ZSCAN16: variants seen among roughly 807,000 people sequenced by gnomAD.
The protein encoded by ZSCAN16 is zinc finger and SCAN domain-containing protein 16.
In ZSCAN16, 15 loss-of-function variants were observed where a neutral mutation model predicts 19.4. The ratio of observed to expected loss-of-function variants is 0.77; its 90% CI spans 0.52 to 1.19. The LOEUF (loss-of-function observed/expected upper bound fraction) is 1.19, where lower values mean the gene tolerates loss of function less well. ZSCAN16 is among the 50% of genes most tolerant of loss of function. The pLI is 0.00. For synonymous variants in ZSCAN16, 138 were observed against 146.5 expected (o/e 0.94, Z 0.42); for missense variants, 327 against 415.7 (o/e 0.79, Z 1.86).
At chr6:28,126,657 C>A in intron 2 of ZSCAN16, 126 bp from the exon 3 acceptor site, 1 of 654,038 alleles carries the variant, frequency 1.5e-6, no homozygotes, top group Non-Finnish European at 2.3e-6. Context: ...GCCATTATTG[C>A]CATTTACAAT....
At position 28,129,717 on chromosome 6, in the gene ZSCAN16, GCCTT is replaced by G. The variant is rs772887510; in HGVS notation, c.816_819del (p.Ile274SerfsTer15). On this transcript the variant is annotated frameshift_variant, in exon 4 of 4. Transcript: ENST00000340487. LOFTEE classifies it low-confidence loss of function (END_TRUNC). ...CTATAAATGTGATGAGTGTGGAAAA[GCCTT>G]CATTCAGCGCTCACATCTCATTGGA... 6.2e-7 allele frequency: 1 copy of G among 1,614,114 alleles called. No individual in the cohort carries two copies. The highest frequency in any genetic ancestry group is 8.5e-7 in the Non-Finnish European group (1 of 1,180,008).
At position 28,125,963 on chromosome 6, in the gene ZSCAN16, A is replaced by G. The variant is rs1427795675; in HGVS notation, c.387+133A>G. 3.0e-6 allele frequency: 2 copies of G among 675,992 alleles called. No individual in the cohort carries two copies. The highest frequency in any genetic ancestry group is 4.9e-6 in the Non-Finnish European group (2 of 408,448). 41.9% of individuals were successfully genotyped at this position (675,992 alleles called of 1,614,324 possible). A position where few individuals can be genotyped will look rare whatever the true frequency, so the allele number is the denominator to read the frequency against. ...GGCATAGGAAGGGACCTGACTACCT[A>G]TGTCAAATAATTAAAGTGTGGCTGG... On this transcript the variant is annotated intron_variant, in intron 2 of 3. Coordinates refer to ENST00000340487, the MANE Select transcript of ZSCAN16 (RefSeq NM_025231.3). The surrounding 1 kb of genome is among the most constrained non-coding windows in gnomAD (Gnocchi z 6.2).
Position 28,129,961 on chromosome 6 carries a change from A to C in ZSCAN16, c.*11A>C. On this transcript the variant is annotated 3_prime_UTR_variant, in exon 4 of 4. Transcript: ENST00000340487. The stretch of plus-strand genomic sequence containing the variant: ...AATAAACTCTACTAATATAGCAGTA[A>C]TATCAAAAGTTCTTTGGACACTCAG... 1 of 1,543,414 alleles carries C rather than the reference A, an allele frequency of 6.5e-7. No individual in the cohort carries two copies. The highest frequency in any genetic ancestry group is 8.7e-7 in the Non-Finnish European group (1 of 1,147,124).
At position 28,126,570 on chromosome 6, in the gene ZSCAN16, A is replaced by G. The variant is rs118147918; in HGVS notation, c.388-213A>G. Among the ~76,000 whole-genome samples the G allele has an allele frequency of 2.6e-5, 4 of 152,318 alleles. No individual in the cohort carries two copies. In the East Asian group the frequency reaches 7.7e-4, roughly 29 times the overall value. ...GTGCTCTGATCCTGGACTTCTGCAG[A>G]TCAATGAAAGAAGAGACGTTGAATT... On this transcript the variant is annotated intron_variant, in intron 2 of 3. Coordinates refer to ENST00000340487, the MANE Select transcript of ZSCAN16 (RefSeq NM_025231.3).
Position 28,125,882 on chromosome 6 carries a change from C to T in ZSCAN16, c.387+52C>T. On this transcript the variant is annotated intron_variant, in intron 2 of 3. Transcript: ENST00000340487. The surrounding 1 kb of genome is among the most constrained non-coding windows in gnomAD (Gnocchi z 6.2). ...GAGTGATCAGGGGATATGGATGGAGCCAAAGCAAAAGGCATATGAAAGAAC... is the reference window on the plus strand; with the variant it reads ...GAGTGATCAGGGGATATGGATGGAGTCAAAGCAAAAGGCATATGAAAGAAC... 1.4e-6 allele frequency: 2 copies of T among 1,396,554 alleles called. No homozygotes were observed. The highest frequency in any genetic ancestry group is 1.9e-6 in the Non-Finnish European group (2 of 1,028,620). 86.5% of individuals were successfully genotyped at this position (1,396,554 alleles called of 1,614,324 possible).
chr6:28,128,714 C>T (rs993169655), intron 3 of ZSCAN16, among the ~76,000 whole-genome samples: 3 of 152,254 alleles, frequency 2.0e-5, no homozygotes, highest in African/African-American at 7.2e-5. Context: ...GATTCTGATG[C>T]ACAATAAGGT....
At position 28,129,332 on chromosome 6, in the gene ZSCAN16, A is replaced by G. The variant is rs1764986748; in HGVS notation, c.527-98A>G. 2.8e-6 allele frequency: 4 copies of G among 1,436,362 alleles called. No homozygotes were observed. In the Admixed American group the frequency reaches 7.4e-5, roughly 26 times the overall value. 89.0% of individuals were successfully genotyped at this position (1,436,362 alleles called of 1,614,324 possible). On this transcript the variant is annotated intron_variant, in intron 3 of 3. Coordinates refer to ENST00000340487, the MANE Select transcript of ZSCAN16 (RefSeq NM_025231.3). Reference sequence around the variant, plus strand: ...GTTGTATGTGACTTCTCATTATTTTATAACACATTTATAACATTTACATGT... The same window carrying G: ...GTTGTATGTGACTTCTCATTATTTTGTAACACATTTATAACATTTACATGT...
Position 28,129,783 on chromosome 6 carries a change from TGTAAA to T in ZSCAN16, c.882_886del (p.Cys294Ter). ...ACACACGGGAGTAAAACCCTATAAA[TGTAAA>T]GAATGTGGGAAAGACTTCAGTGGGC... On this transcript the variant is annotated frameshift_variant, in exon 4 of 4. Transcript: ENST00000340487. LOFTEE classifies it low-confidence loss of function (END_TRUNC). 6.2e-7 allele frequency: 1 copy of T among 1,614,054 alleles called. No homozygotes were observed. Among genetic ancestry groups the T allele is most frequent in the Non-Finnish European group, 8.5e-7 (1 of 1,180,004 alleles).
rs1028342285 is a variant in ZSCAN16 at position 28,125,053 on chromosome 6, G to C, written c.-31-360G>C. ...TATTTAGTGCTTACTAGTGCCCGCT[G>C]CCATGCCAGGGACGTTGCATACGTT... On this transcript the variant is annotated intron_variant, in intron 1 of 3. Transcript: ENST00000340487. The surrounding 1 kb of genome is among the most constrained non-coding windows in gnomAD (Gnocchi z 6.2). Among the ~76,000 whole-genome samples, 1 of 152,214 alleles carries C rather than the reference G, an allele frequency of 6.6e-6. No homozygotes were observed. The highest frequency in any genetic ancestry group is 1.5e-5 in the Non-Finnish European group (1 of 68,048).
rs1764855612 is a variant in ZSCAN16 at position 28,125,030 on chromosome 6, T to TA, written c.-32+353_-32+354insA. On this transcript the variant is annotated intron_variant, in intron 1 of 3. Coordinates refer to ENST00000340487, the MANE Select transcript of ZSCAN16 (RefSeq NM_025231.3). This position sits in a 1 kb window ranked among gnomAD's most constrained non-coding sequence, Gnocchi z 6.2. Reference sequence around the variant, plus strand: ...AGCCGTTAATAATACTTGGCGTTTATTTAGTGCTTACTAGTGCCCGCTGCC... The same window carrying TA: ...AGCCGTTAATAATACTTGGCGTTTATATTAGTGCTTACTAGTGCCCGCTGCC... Among the ~76,000 whole-genome samples the TA allele has an allele frequency of 6.6e-6, 1 of 152,232 alleles. No homozygotes were observed. Among genetic ancestry groups the TA allele is most frequent in the South Asian group, 2.1e-4 (1 of 4,826 alleles).
Position 28,129,955 on chromosome 6 carries a change from G to A in ZSCAN16, c.*5G>A. Reference sequence around the variant, plus strand: ...ACCGCAAATAAACTCTACTAATATAGCAGTAATATCAAAAGTTCTTTGGAC... The same window carrying A: ...ACCGCAAATAAACTCTACTAATATAACAGTAATATCAAAAGTTCTTTGGAC... On this transcript the variant is annotated 3_prime_UTR_variant, in exon 4 of 4. Coordinates refer to ENST00000340487, the MANE Select transcript of ZSCAN16 (RefSeq NM_025231.3). 1 of 1,550,216 alleles carries A rather than the reference G, an allele frequency of 6.5e-7. No homozygotes were observed. Among genetic ancestry groups the A allele is most frequent in the Non-Finnish European group, 8.7e-7 (1 of 1,150,612 alleles).
intron 3 of ZSCAN16, among the ~76,000 whole-genome samples, chr6:28,127,873 G>A (rs1441891622): frequency 1.3e-5 from 2 of 152,034 alleles, no homozygotes; most frequent in African/African-American, 2.4e-5. Context: ...ATGCCTCTCC[G>A]GGTAGTTCCT....
chr6:28,126,975 A>C (rs769895475), intron 3 of ZSCAN16, 54 bp downstream of exon 3: 1 of 1,350,906 alleles, frequency 7.4e-7, no homozygotes, highest in Non-Finnish European at 9.7e-7. Context: ...CTTAGGTTAG[A>C]GGAAAACTTT....
intron 2 of ZSCAN16, among the ~76,000 whole-genome samples, chr6:28,126,231 A>G (rs1026397755): frequency 1.3e-5 from 2 of 152,168 alleles, no homozygotes; most frequent in African/African-American, 4.8e-5. Context: ...AATATAATGC[A>G]AGCTGTATAT....
chr6:28,129,905 T>A lies in ZSCAN16; in HGVS notation c.1002T>A (p.Ala334=). 6.2e-7 allele frequency: 1 copy of A among 1,605,894 alleles called. No individual in the cohort carries two copies. The highest frequency in any genetic ancestry group is 8.5e-7 in the Non-Finnish European group (1 of 1,177,226). The change falls in exon 4 of 4, where the codon GCT becomes GCA. Residue 334 remains alanine (A), a synonymous_variant. Transcript: ENST00000340487. The part of the protein sequence containing the change: ...ECGRPFRVSS[A]LIRHQRIHTA... ...GAAGGCCTTTCCGAGTAAGTTCAGCTCTTATTAGACATCAAAGAATTCATA... is the reference window on the plus strand; with the variant it reads ...GAAGGCCTTTCCGAGTAAGTTCAGCACTTATTAGACATCAAAGAATTCATA...
Position 28,129,524 on chromosome 6 carries a change from C to A in ZSCAN16, c.621C>A (p.Asn207Lys), listed in dbSNP as rs202104399. 288 of 1,614,048 alleles carry A rather than the reference C, an allele frequency of 1.8e-4. 1 individual carries two copies. The East Asian group carries it at 5.4e-3, about 30-fold the overall frequency. Residue 207 changes from asparagine to lysine, a missense_variant, in exon 4 of 4, where the codon AAC becomes AAA. Physicochemically the swap from Asn to Lys is moderately conservative, Grantham distance 94 (BLOSUM62 0). Transcript: ENST00000340487. ...EFLGEINDRLNKDTPQHPKSK... is the reference protein window; with the variant it reads ...EFLGEINDRLKKDTPQHPKSK... The stretch of plus-strand genomic sequence containing the variant: ...TTGGGGAGATAAATGACAGACTGAA[C>A]AAAGATACTCCTCAGCATCCTAAGT...
Position 28,129,548 on chromosome 6 carries a change from G to A in ZSCAN16, c.645G>A (p.Lys215=), listed in dbSNP as rs1475773902. 1.2e-6 allele frequency: 2 copies of A among 1,614,146 alleles called. No individual in the cohort carries two copies. The highest frequency in any genetic ancestry group is 8.5e-7 in the Non-Finnish European group (1 of 1,180,026). The change falls in exon 4 of 4, where the codon AAG becomes AAA. Residue 215 remains lysine, a synonymous_variant. Coordinates refer to ENST00000340487, the MANE Select transcript of ZSCAN16 (RefSeq NM_025231.3). ...ACAAAGATACTCCTCAGCATCCTAA[G>A]TCCAAAGATATTATTGAAAATGAGG... The part of the protein sequence containing the change: ...RLNKDTPQHP[K]SKDIIENEGR...
chr6:28,125,943 A>AG lies in ZSCAN16; in HGVS notation c.387+115dup. On this transcript the variant is annotated intron_variant, in intron 2 of 3. Transcript: ENST00000340487. This position sits in a 1 kb window ranked among gnomAD's most constrained non-coding sequence, Gnocchi z 6.2. Reference sequence around the variant, plus strand: ...ATTTATCCTCTAAAGAACAAGGCATAGGAAGGGACCTGACTACCTATGTCA... The same window carrying AG: ...ATTTATCCTCTAAAGAACAAGGCATAGGGAAGGGACCTGACTACCTATGTCA... 1.2e-6 allele frequency: 1 copy of AG among 831,094 alleles called. No individual in the cohort carries two copies. The highest frequency in any genetic ancestry group is 1.8e-5 in the South Asian group (1 of 54,930). The allele number at this position is 831,094 out of a possible 1,614,324, so 51.5% of individuals were successfully genotyped here.
At chr6:28,128,481 C>A (rs1366166855) in intron 3 of ZSCAN16, among the ~76,000 whole-genome samples, 1 of 152,050 alleles carries the variant, frequency 6.6e-6, no homozygotes, top group Non-Finnish European at 1.5e-5. Flanking sequence ...GGATAGCTAT[C>A]CCTGAGGTGC....
Sources: gnomAD v4.1 joint callset for allele counts (sites outside exome capture counted in the v4.1 genomes callset) on GRCh38, gnomAD v4.1.1 for gene constraint, Gnocchi (gnomAD v3.1) non-coding constraint, MANE v1.5 for transcripts, NCBI Gene and HGNC (gene_info 2026-07-23, HGNC 2026-07-21) for gene names.